COL3A1: variants seen among roughly 807,000 people sequenced by gnomAD.
COL3A1 encodes collagen alpha-1(III) chain.
Under a neutral mutation model 200.9 loss-of-function variants are expected in COL3A1, and 46 were observed. The observed-to-expected ratio is 0.23, with a 90% CI of 0.18 to 0.29. The LOEUF (loss-of-function observed/expected upper bound fraction) is 0.29. COL3A1 is among the 10% of genes least tolerant of loss of function. The pLI is 1.00. For missense variants in COL3A1, 1,367 were observed against 1,917.6 expected, an observed-to-expected ratio of 0.71 and a Z score of 5.36; for synonymous variants, 650 against 628.0, an observed-to-expected ratio of 1.03 and a Z score of -0.52.
At chr2:188,997,414 A>C in intron 26 of COL3A1, 25 bp downstream of exon 26, 1 of 1,605,858 alleles carries the variant, frequency 6.2e-7, no homozygotes, top group South Asian at 1.1e-5. Context: ...ATAAAATTGG[A>C]GATGAAAATA....
chr2:188,989,974 A>G, intron 8 of COL3A1, 122 bp from the exon 9 acceptor site: 2 of 883,638 alleles, frequency 2.3e-6, no homozygotes, highest in South Asian at 1.4e-5. Flanking sequence ...TCAACTATAC[A>G]TTTTGTGGAA....
At chr2:188,986,447 C>T (rs974469925) in intron 4 of COL3A1, among the ~76,000 whole-genome samples, 1 of 151,956 alleles carries the variant, frequency 6.6e-6, no homozygotes, top group African/African-American at 2.4e-5. Context: ...CTAAGTTATT[C>T]TTATTCTAGT....
At chr2:188,987,215 C>T in intron 5 of COL3A1, 76 bp downstream of exon 5, 1 of 1,210,522 alleles carries the variant, frequency 8.3e-7, no homozygotes. Context: ...GGTTGCTCTT[C>T]TAGGAATTCA....
chr2:188,988,258 A>G, intron 6 of COL3A1, 124 bp downstream of exon 6: 1 of 864,324 alleles, frequency 1.2e-6, no homozygotes, highest in Non-Finnish European at 1.9e-6. Context: ...ATCATAACCA[A>G]GAAACTGATT....
chr2:189,011,506 G>T (rs185672928), intron 50 of COL3A1, 122 bp from the exon 51 acceptor site: 10 of 1,115,698 alleles, frequency 9.0e-6, no homozygotes, highest in Admixed American at 5.6e-5. Context: ...TCATATACAT[G>T]AATAATAACA....
At position 188,993,218 on chromosome 2, in the gene COL3A1, A is replaced by T. The variant is rs140392892; in HGVS notation, c.1051-143A>T. The T allele has an allele frequency of 5.1e-5, 39 of 766,086 alleles. No homozygotes were observed. The East Asian group carries it at 1.0e-3, about 21-fold the overall frequency. 47.5% of individuals were successfully genotyped at this position (766,086 alleles called of 1,614,324 possible). A position where few individuals can be genotyped will look rare whatever the true frequency, so the allele number is the denominator to read the frequency against. ...AGTTACATTTTTCTCTGCCTTTACG[A>T]TTAATGATTCCTTGCTTTACCTGCA... On this transcript the variant is annotated intron_variant, in intron 15 of 50. Transcript: ENST00000304636.
At chr2:188,988,159 T>G (rs1377507114) in intron 6 of COL3A1, 25 bp downstream of exon 6, 1 of 1,594,048 alleles carries the variant, frequency 6.3e-7, no homozygotes, top group Non-Finnish European at 8.6e-7. Flanking sequence ...TGGTGGTGTT[T>G]TCTTCCTCAT....
chr2:188,999,146 A>G (rs1456212544), intron 29 of COL3A1, 139 bp from the exon 30 acceptor site: 1 of 835,376 alleles, frequency 1.2e-6, no homozygotes, highest in Non-Finnish European at 2.0e-6. Flanking sequence ...CCAGCTGTTC[A>G]ACTATTTTTA....
chr2:188,994,098 T>G lies in COL3A1; in HGVS notation c.1194+16T>G, dbSNP rs1305941669. 6.8e-6 allele frequency: 11 copies of G among 1,614,160 alleles called. No individual in the cohort carries two copies. Among genetic ancestry groups the G allele is most frequent in the Non-Finnish European group, 8.5e-6 (10 of 1,179,974 alleles). On this transcript the variant is annotated intron_variant, in intron 17 of 50. Transcript: ENST00000304636. The surrounding 1 kb of genome is among the most constrained non-coding windows in gnomAD (Gnocchi z 4.5). ...AGGCGAAATGGTAAGCTGTCCCCAC[T>G]CCTCAGCCTTATCTCATCCACACAT... is the stretch of plus-strand genomic sequence containing the variant.
rs533085809 is a variant in COL3A1 at position 188,994,394 on chromosome 2, A to T, written c.1293+62A>T. 42 of 1,604,394 alleles carry T rather than the reference A, an allele frequency of 2.6e-5. 1 individual carries two copies. In the South Asian group the frequency reaches 4.5e-4, roughly 17 times the overall value. On this transcript the variant is annotated intron_variant, in intron 18 of 50. Coordinates refer to ENST00000304636, the MANE Select transcript of COL3A1 (RefSeq NM_000090.4). This position sits in a 1 kb window ranked among gnomAD's most constrained non-coding sequence, Gnocchi z 4.5. Reference sequence around the variant, plus strand: ...TATAGTTTAATTCCATCAACAAAAAATTAATAGCAAAATTTTGCTCCTGTT... The same window carrying T: ...TATAGTTTAATTCCATCAACAAAAATTTAATAGCAAAATTTTGCTCCTGTT...
rs1330471613 is a variant in COL3A1 at position 189,010,907 on chromosome 2, T to C, written c.4254+17T>C. The C allele has an allele frequency of 6.2e-7, 1 of 1,613,802 alleles. No individual in the cohort carries two copies. The highest frequency in any genetic ancestry group is 1.3e-5 in the African/African-American group (1 of 74,918). ...GGTTGCACGGTAGGAAACATTTTTC[T>C]CAATATAGGTCATAAAGCAGTCAGC... On this transcript the variant is annotated intron_variant, in intron 50 of 50. Transcript: ENST00000304636.
In COL3A1 at chr2:188,984,783, C is replaced by A. The variant is rs368703012; in HGVS notation, c.103C>A (p.Leu35Ile). 6.2e-7 allele frequency: 1 copy of A among 1,613,040 alleles called. No homozygotes were observed. Among genetic ancestry groups the A allele is most frequent in the Non-Finnish European group, 8.5e-7 (1 of 1,179,260 alleles). Residue 35 changes from leucine (L) to isoleucine (I), a missense_variant, in exon 2 of 51, where the codon CTT becomes ATT. By Grantham distance (5) the Leu-to-Ile change is conservative. Around this residue, in one of 5 missense-constraint regions of COL3A1, gnomAD observed 55 missense variants for 51.5 expected, o/e 1.07. Coordinates refer to ENST00000304636, the MANE Select transcript of COL3A1 (RefSeq NM_000090.4). ...QEAVEGGCSH[L>I]GQSYADRDVW... is the part of the protein sequence containing the mutation. ...AGCTGTTGAAGGAGGATGTTCCCAT[C>A]TTGGTCAGTCCTATGCGGATAGAGA... is the stretch of plus-strand genomic sequence containing the variant.
In COL3A1 at chr2:189,011,967, A is replaced by G; in HGVS notation, c.*193A>G. Reference sequence around the variant, plus strand: ...TGCTGTTCCACCAAATACAATTCAAATGCTTTTTGTTTTATTTTTTTACCA... The same window carrying G: ...TGCTGTTCCACCAAATACAATTCAAGTGCTTTTTGTTTTATTTTTTTACCA... On this transcript the variant is annotated 3_prime_UTR_variant, in exon 51 of 51. Transcript: ENST00000304636. The G allele has an allele frequency of 1.6e-6, 1 of 632,470 alleles. No homozygotes were observed. Among genetic ancestry groups the G allele is most frequent in the East Asian group, 2.8e-5 (1 of 35,308 alleles). 39.2% of individuals were successfully genotyped at this position (632,470 alleles called of 1,614,324 possible). A position where few individuals can be genotyped will look rare whatever the true frequency, so the allele number is the denominator to read the frequency against.
intron 3 of COL3A1, 55 bp from the exon 4 acceptor site, chr2:188,985,610 G>T: frequency 9.0e-7 from 1 of 1,112,790 alleles, no homozygotes; most frequent in Non-Finnish European, 1.3e-6. Flanking sequence ...ATCTGATAAT[G>T]ATTGTGAATC....
chr2:188,997,232 C>T lies in COL3A1; in HGVS notation c.1815+14C>T. 1.2e-6 allele frequency: 2 copies of T among 1,614,006 alleles called. No homozygotes were observed. Among genetic ancestry groups the T allele is most frequent in the Admixed American group, 1.7e-5 (1 of 60,012 alleles). On this transcript the variant is annotated intron_variant, in intron 25 of 50. Coordinates refer to ENST00000304636, the MANE Select transcript of COL3A1 (RefSeq NM_000090.4). ...CCTGGCCCTCAGGTACGTAGCTTTC[C>T]TCAATTTATTTCTAGCCTTCTAATA...
intron 20 of COL3A1, 25 bp from the exon 21 acceptor site, chr2:188,995,021 A>G (rs757980920): frequency 6.2e-7 from 1 of 1,613,172 alleles, no homozygotes; most frequent in Non-Finnish European, 8.5e-7. Flanking sequence ...TTTGGACTGA[A>G]ATACTTGTCT....
At chr2:188,977,200 T>C (rs1298173482) in intron 1 of COL3A1, among the ~76,000 whole-genome samples, 1 of 152,108 alleles carries the variant, frequency 6.6e-6, no homozygotes, top group East Asian at 1.9e-4. Flanking sequence ...CACTGCTTAA[T>C]TGTTAGATAG....
At chr2:189,008,562 A>T in intron 47 of COL3A1, 1 of 396,896 alleles carries the variant, frequency 2.5e-6, no homozygotes, top group Non-Finnish European at 4.6e-6. Context: ...GCCTTTGGGT[A>T]AATGAAATAA....
intron 6 of COL3A1, 138 bp downstream of exon 6, chr2:188,988,272 G>C (rs766741463): frequency 8.8e-6 from 7 of 791,954 alleles, no homozygotes; most frequent in South Asian, 1.5e-5. Flanking sequence ...ACTGATTAAG[G>C]CTTCAAAGAT....
Sources: allele counts gnomAD v4.1 joint callset (sites outside exome capture counted in the v4.1 genomes callset), GRCh38; gene constraint gnomAD v4.1.1; regional missense constraint gnomAD v4.1.1; non-coding constraint Gnocchi (gnomAD v3.1); transcripts MANE v1.5; gene names NCBI Gene and HGNC (gene_info 2026-07-23, HGNC 2026-07-21).